SPATA16: variants seen among roughly 807,000 people sequenced by gnomAD.
The protein encoded by SPATA16 is spermatogenesis associated 16, also known as spermatogenesis-associated protein 16.
Under a neutral mutation model 63.3 loss-of-function variants are expected in SPATA16, and 36 were observed. The observed-to-expected ratio is 0.57, with a 90% confidence interval of 0.44 to 0.75. The LOEUF (loss-of-function observed/expected upper bound fraction) is 0.75. Ranked by LOEUF, SPATA16 falls within the 30% of genes least tolerant of loss-of-function variation. The probability of loss-of-function intolerance (pLI) is 0.00; values close to 1 mark genes in which losing one functional copy is unlikely to be tolerated. For synonymous variants in SPATA16, 203 were observed against 216.7 expected, an observed-to-expected ratio of 0.94 and a Z score of 0.56; for missense variants, 646 against 679.3, an observed-to-expected ratio of 0.95 and a Z score of 0.54.
chr3:172,971,277 G>A (rs572527454), intron 5 of SPATA16, among the ~76,000 whole-genome samples: 9 of 152,226 alleles, frequency 5.9e-5, no homozygotes, highest in Non-Finnish European at 7.4e-5. Context: ...GAACACATGC[G>A]CACATACCTA....
intron 2 of SPATA16, among the ~76,000 whole-genome samples, chr3:173,059,437 TTCATTATCTTACTTTTTCTTAC>T (rs1186157166): frequency 7.2e-5 from 11 of 151,978 alleles, no homozygotes; most frequent in South Asian, 2.1e-4. Context: ...CTTTTTCTTA[TTCATTATCTTACTTTTTCTTAC>T]TCATTATCTT....
At chr3:172,915,186 T>G (rs1015727881) in intron 9 of SPATA16, among the ~76,000 whole-genome samples, 1 of 152,172 alleles carries the variant, frequency 6.6e-6, no homozygotes, top group Non-Finnish European at 1.5e-5. Flanking sequence ...TTAGAAAGTA[T>G]TATTGCCAGT....
chr3:172,944,197 A>G (rs916428528), intron 6 of SPATA16, among the ~76,000 whole-genome samples: 10 of 152,228 alleles, frequency 6.6e-5, no homozygotes, highest in African/African-American at 2.2e-4. Context: ...AAAAATTGGG[A>G]AAGGACTTAA....
At chr3:172,957,717 G>A (rs1577105941) in intron 5 of SPATA16, among the ~76,000 whole-genome samples, 2 of 151,978 alleles carry the variant, frequency 1.3e-5, no homozygotes, top group Non-Finnish European at 2.9e-5. Flanking sequence ...CAAACAATAC[G>A]GAAAAATAAT....
intron 4 of SPATA16, among the ~76,000 whole-genome samples, chr3:172,995,302 G>A (rs985738962): frequency 1.3e-5 from 2 of 151,946 alleles, no homozygotes; most frequent in Non-Finnish European, 1.5e-5. Context: ...TTGGAGAAGT[G>A]AGACTAGGTA....
intron 4 of SPATA16, among the ~76,000 whole-genome samples, chr3:172,978,663 T>C (rs1057068529): frequency 2.0e-5 from 3 of 152,184 alleles, no homozygotes; most frequent in African/African-American, 7.2e-5. Context: ...TCAACAAACA[T>C]TGCTTAAGAA....
intron 6 of SPATA16, among the ~76,000 whole-genome samples, chr3:172,934,409 A>G (rs561625794): frequency 1.3e-5 from 2 of 152,320 alleles, no homozygotes; most frequent in East Asian, 3.8e-4. Flanking sequence ...TGATGAAGCC[A>G]TAAGTAAGAT....
chr3:172,998,038 A>C (rs7632999), intron 4 of SPATA16, among the ~76,000 whole-genome samples: 54,808 of 151,610 alleles, frequency 0.36, 12,019 homozygotes, highest in African/African-American at 0.6. Flanking sequence ...CTACCTCTCT[A>C]TATATATTTT....
At chr3:173,129,519 T>C (rs1738313802) in intron 1 of SPATA16, among the ~76,000 whole-genome samples, 3 of 152,064 alleles carry the variant, frequency 2.0e-5, no homozygotes, top group African/African-American at 2.4e-5. Flanking sequence ...TGGTGTTAAA[T>C]ATTGTGCTCT....
rs9822041 is a variant in SPATA16, at chr3:173,101,009, A to G, written c.612+16111T>C. Among the ~76,000 whole-genome samples, 1,161 of 152,336 alleles carry G rather than the reference A, an allele frequency of 7.6e-3. 24 individuals carry two copies. Among genetic ancestry groups the G allele is most frequent in the African/African-American group, 0.026 (1,066 of 41,584 alleles). On this transcript the variant is annotated intron_variant, in intron 2 of 10. Transcript: ENST00000351008. Reference sequence around the variant, plus strand: ...TAATAAACCTCACAGGTTTTCTATTAGTGCTGCATGTACATAGGAAAAATG... The same window carrying G: ...TAATAAACCTCACAGGTTTTCTATTGGTGCTGCATGTACATAGGAAAAATG...
chr3:173,069,078 C>G (rs1736601741), intron 2 of SPATA16, among the ~76,000 whole-genome samples: 1 of 147,744 alleles, frequency 6.8e-6, no homozygotes, highest in Admixed American at 6.7e-5. Context: ...CCACTGCACT[C>G]CAGCCTGGGC....
intron 6 of SPATA16, among the ~76,000 whole-genome samples, chr3:172,956,104 G>A (rs914357780): frequency 2.0e-5 from 3 of 152,074 alleles, no homozygotes; most frequent in South Asian, 4.1e-4. Flanking sequence ...TTGATGCACA[G>A]TAGGTAGTAC....
intron 4 of SPATA16, among the ~76,000 whole-genome samples, chr3:172,982,582 A>C (rs1400212986): frequency 2.6e-5 from 4 of 152,352 alleles, no homozygotes; most frequent in East Asian, 3.9e-4. Flanking sequence ...ACACATATAA[A>C]ATAAAATGTT....
chr3:172,970,711 G>A (rs1201699674), intron 5 of SPATA16, among the ~76,000 whole-genome samples: 1 of 152,136 alleles, frequency 6.6e-6, no homozygotes, highest in Non-Finnish European at 1.5e-5. Flanking sequence ...GCCACTAAGA[G>A]AAATGTTCAG....
At chr3:173,021,999 C>G (rs140600884) in intron 3 of SPATA16, among the ~76,000 whole-genome samples, 1 of 150,790 alleles carries the variant, frequency 6.6e-6, no homozygotes, top group Admixed American at 6.7e-5. Flanking sequence ...AGATTGGAGA[C>G]AAGGATGAGG....
chr3:173,028,146 T>C (rs907710962), intron 3 of SPATA16, among the ~76,000 whole-genome samples: 4 of 151,004 alleles, frequency 2.6e-5, no homozygotes, highest in African/African-American at 9.7e-5. Flanking sequence ...ACCATTGTCT[T>C]GGCTGTTAGC....
intron 5 of SPATA16, among the ~76,000 whole-genome samples, chr3:172,969,498 G>GA (rs1285389845): frequency 1.3e-5 from 2 of 152,068 alleles, no homozygotes; most frequent in Non-Finnish European, 2.9e-5. Flanking sequence ...GTTGAAGGGG[G>GA]ACAATAGAAA....
chr3:172,914,259 T>C (rs1732432399), intron 9 of SPATA16, among the ~76,000 whole-genome samples: 1 of 152,178 alleles, frequency 6.6e-6, no homozygotes, highest in Admixed American at 6.5e-5. Flanking sequence ...CAAGTTTTTT[T>C]TATTTTTAGG....
At chr3:172,898,186 G>A (rs1732047663) in intron 10 of SPATA16, among the ~76,000 whole-genome samples, 1 of 151,908 alleles carries the variant, frequency 6.6e-6, no homozygotes, top group East Asian at 1.9e-4. Context: ...CTATATTCAA[G>A]AGAGATTGGT....
Sources: allele counts gnomAD v4.1 joint callset (sites outside exome capture counted in the v4.1 genomes callset), GRCh38; gene constraint gnomAD v4.1.1; transcripts MANE v1.5; gene names NCBI Gene and HGNC (gene_info 2026-07-23, HGNC 2026-07-21).